Variants in PTPRN2 observed in about 807,000 individuals in gnomAD.
PTPRN2 encodes the protein protein tyrosine phosphatase receptor type N2.
Under a neutral mutation model 118.8 loss-of-function variants are expected in PTPRN2, and 74 were observed. The observed-to-expected ratio is 0.62, with a 90% CI of 0.52 to 0.76. PTPRN2 has a LOEUF of 0.76. Among genes scored for constraint, PTPRN2 ranks in the 30% least tolerant of loss-of-function variants. The pLI is 0.00. For synonymous variants in PTPRN2, 641 were observed against 608.0 expected (o/e 1.05, Z -0.80); for missense variants, 1,481 against 1,394.4 (o/e 1.06, Z -0.99).
intron 1 of PTPRN2, among the ~76,000 whole-genome samples, chr7:158,580,811 T>G (rs1377978237): frequency 6.6e-6 from 1 of 152,248 alleles, no homozygotes; most frequent in Non-Finnish European, 1.5e-5. Context: ...AAAATTTTTA[T>G]GGACACATCG....
rs564249766 is a variant in PTPRN2, at chr7:157,769,617, G to A, written c.1789-86680C>T. On this transcript the variant is annotated intron_variant, in intron 12 of 22. Transcript: ENST00000389418. ...AGATGTTGGGCTTGGCTTTAGCCAC[G>A]CCACGGGCTCCCTTGGTCCTGCATA... Among the ~76,000 whole-genome samples the A allele has an allele frequency of 2.6e-5, 4 of 152,292 alleles. No homozygotes were observed. In the East Asian group the frequency reaches 5.8e-4, roughly 22 times the overall value.
intron 2 of PTPRN2, among the ~76,000 whole-genome samples, chr7:158,399,830 G>A (rs975206611): frequency 6.6e-6 from 1 of 152,214 alleles, no homozygotes; most frequent in African/African-American, 2.4e-5. Flanking sequence ...GGGTGGTGTA[G>A]CTGAGGTATT....
chr7:158,235,039 G>A (rs770126748), intron 3 of PTPRN2, among the ~76,000 whole-genome samples: 1 of 152,182 alleles, frequency 6.6e-6, no homozygotes, highest in Non-Finnish European at 1.5e-5. Context: ...TGGGATTACA[G>A]GCATGAGCCA....
chr7:158,034,184 T>C (rs1368824975), intron 11 of PTPRN2, among the ~76,000 whole-genome samples: 1 of 136,302 alleles, frequency 7.3e-6, no homozygotes, highest in Non-Finnish European at 1.5e-5. Context: ...GCGTCCCTGG[T>C]CAGCAATGCT....
chr7:157,545,852 C>T (rs528275508), intron 22 of PTPRN2, among the ~76,000 whole-genome samples: 2 of 152,298 alleles, frequency 1.3e-5, no homozygotes, highest in African/African-American at 4.8e-5. Context: ...GACGTGACTT[C>T]CTCCGTTCAA....
intron 12 of PTPRN2, among the ~76,000 whole-genome samples, chr7:157,701,125 AT>A (rs369385722): frequency 6.9e-4 from 105 of 151,848 alleles, no homozygotes; most frequent in Non-Finnish European, 1.2e-3. Flanking sequence ...GAATTCATGC[AT>A]TTTTTTTTCC....
intron 12 of PTPRN2, among the ~76,000 whole-genome samples, chr7:157,880,912 G>A (rs1362564421): frequency 6.6e-6 from 1 of 152,206 alleles, no homozygotes; most frequent in Non-Finnish European, 1.5e-5. Context: ...TGGAACAAAT[G>A]ATAAAAAGGC....
intron 11 of PTPRN2, among the ~76,000 whole-genome samples, chr7:157,970,965 T>C (rs1047279718): frequency 1.3e-5 from 2 of 152,208 alleles, no homozygotes. Context: ...GCACCATTTT[T>C]GGAAGCAGCT....
intron 12 of PTPRN2, among the ~76,000 whole-genome samples, chr7:157,732,136 T>C (rs796566880): frequency 5.8e-4 from 42 of 71,842 alleles, no homozygotes; most frequent in South Asian, 2.0e-3. Context: ...TTCCGCCCCA[T>C]GCGCCCAGCA....
At chr7:158,441,068 AGTGATG>A (rs1817057724) in intron 2 of PTPRN2, among the ~76,000 whole-genome samples, 2 of 85,810 alleles carry the variant, frequency 2.3e-5, no homozygotes, top group South Asian at 3.8e-4. Flanking sequence ...TGGGGGTGGT[AGTGATG>A]GTGGTGCTGG....
At chr7:157,698,271 C>T (rs1231990211) in intron 12 of PTPRN2, among the ~76,000 whole-genome samples, 4 of 152,150 alleles carry the variant, frequency 2.6e-5, no homozygotes, top group Admixed American at 2.6e-4. Context: ...TTACTTAAAG[C>T]AGAACAATGC....
At chr7:157,722,240 G>A (rs1359658460) in intron 12 of PTPRN2, among the ~76,000 whole-genome samples, 1 of 152,260 alleles carries the variant, frequency 6.6e-6, no homozygotes, top group Non-Finnish European at 1.5e-5. Context: ...TGTGCCATGT[G>A]CCTCATATGC....
At chr7:157,936,015 T>C (rs1799677934) in intron 11 of PTPRN2, among the ~76,000 whole-genome samples, 2 of 152,178 alleles carry the variant, frequency 1.3e-5, no homozygotes, top group Non-Finnish European at 1.5e-5. Context: ...CTTCAGCATC[T>C]GTGTCGCTCC....
chr7:157,701,342 G>A (rs1434383311), intron 12 of PTPRN2, among the ~76,000 whole-genome samples: 4 of 152,256 alleles, frequency 2.6e-5, no homozygotes, highest in East Asian at 3.9e-4. Flanking sequence ...GCGGGTCTCC[G>A]CCAGAGCCTC....
rs1443835446 is a variant in PTPRN2 at position 158,188,612 on chromosome 7, C to T, written c.549+3715G>A. Among the ~76,000 whole-genome samples the T allele has an allele frequency of 1.0e-4, 12 of 115,992 alleles. 2 individuals carry two copies. The highest frequency in any genetic ancestry group is 6.3e-4 in the East Asian group (2 of 3,154). The allele number at this position is 115,992 out of a possible 152,430, so 76.1% of individuals were successfully genotyped here. On this transcript the variant is annotated intron_variant, in intron 5 of 22. Transcript: ENST00000389418. Reference sequence around the variant, plus strand: ...CGCCCCCTGATGGGGAAGCCCGCCACGCTCGCCCCCTGATGGGGAAGGCCG... The same window carrying T: ...CGCCCCCTGATGGGGAAGCCCGCCATGCTCGCCCCCTGATGGGGAAGGCCG...
chr7:158,328,363 T>G (rs56205111), intron 2 of PTPRN2, among the ~76,000 whole-genome samples: 4 of 152,002 alleles, frequency 2.6e-5, no homozygotes, highest in Admixed American at 2.0e-4. Flanking sequence ...TAGTTCGTAA[T>G]GAAACCTGAA....
chr7:157,596,112 T>C lies in PTPRN2; in HGVS notation c.2419-797A>G, dbSNP rs974070320. On this transcript the variant is annotated intron_variant, in intron 16 of 22. Transcript: ENST00000389418. This position sits in a 1 kb window ranked among gnomAD's most constrained non-coding sequence, Gnocchi z 4.2. ...GTGAGGCTGAGCTCCAAGCTCTCAA[T>C]GGAGAGTGTGAACAGGGTTCCTCCA... Among the ~76,000 whole-genome samples, 2 of 152,330 alleles carry C rather than the reference T, an allele frequency of 1.3e-5. No individual in the cohort carries two copies. Among genetic ancestry groups the C allele is most frequent in the East Asian group, 3.9e-4 (2 of 5,186 alleles).
chr7:157,615,302 C>T lies in PTPRN2; in HGVS notation c.2344+6060G>A, dbSNP rs1274740652. 2.7e-6 allele frequency: 1 copy of T among 376,388 alleles called. No homozygotes were observed. The highest frequency in any genetic ancestry group is 7.4e-5 in the East Asian group (1 of 13,452). The allele number at this position is 376,388 out of a possible 1,614,324, so 23.3% of individuals were successfully genotyped here. On this transcript the variant is annotated intron_variant, in intron 15 of 22. Coordinates refer to ENST00000389418, the MANE Select transcript of PTPRN2 (RefSeq NM_002847.5). This position sits in a 1 kb window ranked among gnomAD's most constrained non-coding sequence, Gnocchi z 4.3. The stretch of plus-strand genomic sequence containing the variant: ...GAGAGGGCCCTGCAAGAGCGGTGTG[C>T]GTGGGTTGCGGCTGGGTCTGCGCTG...
At chr7:158,559,898 T>C (rs933661087) in intron 1 of PTPRN2, among the ~76,000 whole-genome samples, 4 of 152,224 alleles carry the variant, frequency 2.6e-5, no homozygotes, top group Non-Finnish European at 4.4e-5. Flanking sequence ...ACCATCTTAA[T>C]CATTTCTAAA....
Sources: gnomAD v4.1 joint callset for allele counts (sites outside exome capture counted in the v4.1 genomes callset) on GRCh38, gnomAD v4.1.1 for gene constraint, Gnocchi (gnomAD v3.1) non-coding constraint, MANE v1.5 for transcripts, NCBI Gene and HGNC (gene_info 2026-07-23, HGNC 2026-07-21) for gene names.